Variants in BCAS3 observed in about 807,000 individuals in gnomAD.
The protein encoded by BCAS3 is BCAS4/BCAS3 fusion.
BCAS3 carries 53 observed loss-of-function variants against 116.1 expected under a neutral mutation model. The observed-to-expected ratio is 0.46, with a 90% confidence interval of 0.37 to 0.57. The LOEUF (loss-of-function observed/expected upper bound fraction) is 0.57, where lower values mean the gene tolerates loss of function less well. BCAS3 is among the 20% of genes least tolerant of loss of function. The probability of loss-of-function intolerance (pLI) is 0.00; values close to 1 mark genes in which losing one functional copy is unlikely to be tolerated. For synonymous variants in BCAS3, 391 were observed against 408.2 expected (o/e 0.96, Z 0.51); for missense variants, 917 against 1,165.4 (o/e 0.79, Z 3.10).
intron 15 of BCAS3, among the ~76,000 whole-genome samples, chr17:60,996,267 A>G (rs2063828976): frequency 6.6e-6 from 1 of 152,200 alleles, no homozygotes; most frequent in African/African-American, 2.4e-5. Flanking sequence ...ATGGGTGGAA[A>G]CTTAGTTGAG....
intron 6 of BCAS3, among the ~76,000 whole-genome samples, chr17:60,794,529 A>G (rs1416988543): frequency 6.6e-6 from 1 of 152,166 alleles, no homozygotes; most frequent in Non-Finnish European, 1.5e-5. Context: ...GAATTTTTAT[A>G]GTTTCAGGTC....
In BCAS3 at chr17:60,967,235, TGG is replaced by T. The variant is rs1407444440; in HGVS notation, c.1221+19884_1221+19885del. On this transcript the variant is annotated intron_variant, in intron 14 of 23. Transcript: ENST00000407086. The surrounding 1 kb of genome is among the most constrained non-coding windows in gnomAD (Gnocchi z 4.7). Reference sequence around the variant, plus strand: ...AGCATTTCTTGTTAGGTGGGTCAGGTGGTGGCAAATTATTTGTTTTTGTTTGT... The same window carrying T: ...AGCATTTCTTGTTAGGTGGGTCAGGTTGGCAAATTATTTGTTTTTGTTTGT... Among the ~76,000 whole-genome samples the T allele has an allele frequency of 6.6e-6, 1 of 152,186 alleles. No individual in the cohort carries two copies. The highest frequency in any genetic ancestry group is 1.5e-5 in the Non-Finnish European group (1 of 68,032).
At position 61,097,234 on chromosome 17, in the gene BCAS3, A is replaced by T. The variant is rs1249016221; in HGVS notation, c.2425+12670A>T. ...CGCTCTGTCACCCAGGCTGGAGTGC[A>T]GTGGCGCAATCTCGGCTCACTGCAA... On this transcript the variant is annotated intron_variant, in intron 22 of 23. Coordinates refer to ENST00000407086, the MANE Select transcript of BCAS3 (RefSeq NM_017679.5). This position sits in a 1 kb window ranked among gnomAD's most constrained non-coding sequence, Gnocchi z 4.0. 6.6e-6 allele frequency among the ~76,000 whole-genome samples: 1 copy of T among 152,022 alleles called. No homozygotes were observed. The highest frequency in any genetic ancestry group is 1.5e-5 in the Non-Finnish European group (1 of 68,016).
At position 61,363,547 on chromosome 17, in the gene BCAS3, GCTC is replaced by G. The variant is rs1333751356; in HGVS notation, c.2426-4776_2426-4774del. On this transcript the variant is annotated intron_variant, in intron 22 of 23. Transcript: ENST00000407086. The surrounding 1 kb of genome is among the most constrained non-coding windows in gnomAD (Gnocchi z 4.9). The stretch of plus-strand genomic sequence containing the variant: ...CCCATAGTTTGGTGAAGTCACATAA[GCTC>G]CTCTTTTTTTTTTTTTTTTTAACTC... Among the ~76,000 whole-genome samples the G allele has an allele frequency of 6.0e-5, 9 of 149,954 alleles. No homozygotes were observed. The South Asian group carries it at 8.4e-4, about 14-fold the overall frequency.
At chr17:60,957,932 A>T (rs1182671787) in intron 14 of BCAS3, among the ~76,000 whole-genome samples, 2 of 152,238 alleles carry the variant, frequency 1.3e-5, no homozygotes, top group Non-Finnish European at 2.9e-5. Context: ...TAAGAGCTGG[A>T]TTAACCCTCC....
rs1200860122 is a variant in BCAS3, at chr17:61,325,856, C to A, written c.2426-42471C>A. Among the ~76,000 whole-genome samples the A allele has an allele frequency of 1.3e-5, 2 of 152,096 alleles. No individual in the cohort carries two copies. Among genetic ancestry groups the A allele is most frequent in the Admixed American group, 1.3e-4 (2 of 15,266 alleles). On this transcript the variant is annotated intron_variant, in intron 22 of 23. Transcript: ENST00000407086. The surrounding 1 kb of genome is among the most constrained non-coding windows in gnomAD (Gnocchi z 6.4). ...GGTCCCTGGGGACAGTCATCTGGGA[C>A]CCAGTCATGCTGAATGTTTCTCTCA... is the stretch of plus-strand genomic sequence containing the variant.
chr17:60,818,608 T>C (rs2049652874), intron 7 of BCAS3, among the ~76,000 whole-genome samples: 1 of 152,196 alleles, frequency 6.6e-6, no homozygotes, highest in East Asian at 1.9e-4. Context: ...ATTATCTCCA[T>C]AGGCAGCAAA....
At position 60,816,519 on chromosome 17, in the gene BCAS3, C is replaced by T. The variant is rs548961872; in HGVS notation, c.476+8443C>T. On this transcript the variant is annotated intron_variant, in intron 7 of 23. Coordinates refer to ENST00000407086, the MANE Select transcript of BCAS3 (RefSeq NM_017679.5). ...CGATCTCCTGACCTCGTGATCCGCCCGCCTCGGCCCCCCAAAATGCTGGGA... is the reference window on the plus strand; with the variant it reads ...CGATCTCCTGACCTCGTGATCCGCCTGCCTCGGCCCCCCAAAATGCTGGGA... Among the ~76,000 whole-genome samples the T allele has an allele frequency of 8.7e-4, 133 of 152,120 alleles. 1 individual carries two copies. Among genetic ancestry groups the T allele is most frequent in the African/African-American group, 2.8e-3 (116 of 41,512 alleles).
Position 61,105,433 on chromosome 17 carries a change from T to C in BCAS3, c.2425+20869T>C, listed in dbSNP as rs897351357. Among the ~76,000 whole-genome samples the C allele has an allele frequency of 2.0e-5, 3 of 152,176 alleles. No individual in the cohort carries two copies. Among genetic ancestry groups the C allele is most frequent in the African/African-American group, 7.2e-5 (3 of 41,450 alleles). ...GAGGAAAAACCCACAGAATTTTTTT[T>C]ATTTTTTTGAGACAGAGTTTCGCTC... On this transcript the variant is annotated intron_variant, in intron 22 of 23. Transcript: ENST00000407086. This position sits in a 1 kb window ranked among gnomAD's most constrained non-coding sequence, Gnocchi z 4.3.
chr17:61,342,557 C>T (rs943093847), intron 22 of BCAS3, among the ~76,000 whole-genome samples: 3 of 152,206 alleles, frequency 2.0e-5, no homozygotes, highest in Non-Finnish European at 4.4e-5. Flanking sequence ...TCTCCTTCCT[C>T]GCTGGGGCAG....
At chr17:60,745,702 T>C (rs969869520) in intron 5 of BCAS3, among the ~76,000 whole-genome samples, 1 of 152,148 alleles carries the variant, frequency 6.6e-6, no homozygotes, top group South Asian at 2.1e-4. Flanking sequence ...TTATAGCTTT[T>C]ACGTGTTTCA....
At chr17:60,710,430 CA>C (rs1374102321) in intron 5 of BCAS3, among the ~76,000 whole-genome samples, 6 of 149,072 alleles carry the variant, frequency 4.0e-5, no homozygotes, top group South Asian at 2.1e-4. Context: ...AATTCTTTAA[CA>C]TTTTTTTTTT....
At chr17:60,732,048 T>C (rs1460262126) in intron 5 of BCAS3, among the ~76,000 whole-genome samples, 1 of 152,152 alleles carries the variant, frequency 6.6e-6, no homozygotes, top group Non-Finnish European at 1.5e-5. Context: ...GTGCTGGGAT[T>C]ATAGGTGTGA....
At chr17:60,986,834 G>A (rs1013307652) in intron 14 of BCAS3, 1 of 151,940 alleles carries the variant, frequency 6.6e-6, no homozygotes, top group Admixed American at 6.6e-5. Flanking sequence ...TTTTTAACTT[G>A]ACATGATCCC....
intron 22 of BCAS3, among the ~76,000 whole-genome samples, chr17:61,114,599 C>G (rs1367246177): frequency 2.0e-5 from 3 of 151,724 alleles, no homozygotes; most frequent in African/African-American, 7.3e-5. Flanking sequence ...AGGATACAAA[C>G]AAATGGAAGA....
rs79911445 is a variant in BCAS3, at chr17:61,171,593, A to C, written c.2425+87029A>C. Among the ~76,000 whole-genome samples, 8,567 of 152,160 alleles carry C rather than the reference A, an allele frequency of 0.056. 790 individuals are homozygous for C. The highest frequency in any genetic ancestry group is 0.19 in the African/African-American group (8,000 of 41,446). ...ACATGAATAGGACAAAAGTAAAAGG[A>C]TAGAAATAATGATATATTATGCTAA... On this transcript the variant is annotated intron_variant, in intron 22 of 23. Coordinates refer to ENST00000407086, the MANE Select transcript of BCAS3 (RefSeq NM_017679.5). This position sits in a 1 kb window ranked among gnomAD's most constrained non-coding sequence, Gnocchi z 4.1.
At chr17:60,933,637 GT>G (rs1324410732) in intron 13 of BCAS3, among the ~76,000 whole-genome samples, 1 of 152,112 alleles carries the variant, frequency 6.6e-6, no homozygotes, top group Non-Finnish European at 1.5e-5. Flanking sequence ...AGAAGTTTAG[GT>G]TTTTCTTTTT....
chr17:61,111,231 A>G (rs1381217582), intron 22 of BCAS3, among the ~76,000 whole-genome samples: 1 of 152,106 alleles, frequency 6.6e-6, no homozygotes, highest in Non-Finnish European at 1.5e-5. Context: ...ACAAAGGTGG[A>G]TGGAGAATGA....
intron 14 of BCAS3, among the ~76,000 whole-genome samples, chr17:60,955,387 T>A (rs1279868204): frequency 8.2e-6 from 1 of 122,072 alleles, no homozygotes. Flanking sequence ...GGAAACTGAA[T>A]TTTTTTTTTT....
Sources: allele counts gnomAD v4.1 joint callset (sites outside exome capture counted in the v4.1 genomes callset), GRCh38; gene constraint gnomAD v4.1.1; non-coding constraint Gnocchi (gnomAD v3.1); transcripts MANE v1.5; gene names NCBI Gene and HGNC (gene_info 2026-07-23, HGNC 2026-07-21).